The following TAFA1 variants were observed in gnomAD, a reference collection of about 807,000 sequenced individuals.
TAFA1 encodes the protein chemokine-like protein TAFA-1.
TAFA1 carries 4 observed loss-of-function variants against 18.5 expected under a neutral mutation model. The observed-to-expected ratio is 0.22, with a 90% CI of 0.11 to 0.49. The LOEUF is 0.49. TAFA1 is among the 20% of genes least tolerant of loss of function. The pLI is 0.98. For synonymous variants in TAFA1, 56 were observed against 55.2 expected, an observed-to-expected ratio of 1.01 and a Z score of -0.06; for missense variants, 147 against 169.0, an observed-to-expected ratio of 0.87 and a Z score of 0.72.
At chr3:68,404,413 C>T (rs1239285172) in intron 2 of TAFA1, among the ~76,000 whole-genome samples, 1 of 152,138 alleles carries the variant, frequency 6.6e-6, no homozygotes, top group Non-Finnish European at 1.5e-5. Flanking sequence ...AAACATTTAA[C>T]AGTTTATTTA....
At chr3:68,170,167 T>A (rs996042031) in intron 2 of TAFA1, among the ~76,000 whole-genome samples, 3 of 152,170 alleles carry the variant, frequency 2.0e-5, no homozygotes, top group Admixed American at 2.0e-4. Flanking sequence ...TGTCCTCAGA[T>A]CTGCAGTATC....
At chr3:68,184,754 A>T (rs567314051) in intron 2 of TAFA1, among the ~76,000 whole-genome samples, 5 of 152,158 alleles carry the variant, frequency 3.3e-5, no homozygotes, top group African/African-American at 1.2e-4. Context: ...TATCAGGCCC[A>T]AAGAATGTTG....
rs114157339 is a variant in TAFA1, at chr3:68,363,487, A to G, written c.119-53793A>G. 5.5e-3 allele frequency among the ~76,000 whole-genome samples: 837 copies of G among 152,266 alleles called. 9 individuals carry two copies. The highest frequency in any genetic ancestry group is 0.018 in the African/African-American group (744 of 41,550). On this transcript the variant is annotated intron_variant, in intron 2 of 4. Transcript: ENST00000478136. ...TTCAAAGAGGCTGAATGACTTTTCT[A>G]AGGCCTCCCAGCTAATACATGGAAA...
At chr3:68,105,768 G>A (rs539082653) in intron 2 of TAFA1, among the ~76,000 whole-genome samples, 13 of 152,220 alleles carry the variant, frequency 8.5e-5, no homozygotes, top group East Asian at 1.9e-4. Flanking sequence ...CTATTAAGGG[G>A]ATACAGTGAT....
chr3:68,102,212 A>G (rs1327028615), intron 2 of TAFA1, among the ~76,000 whole-genome samples: 3 of 152,134 alleles, frequency 2.0e-5, no homozygotes. Flanking sequence ...ATGTTGGCCT[A>G]ATATGTGAGG....
intron 2 of TAFA1, among the ~76,000 whole-genome samples, chr3:68,281,058 A>T (rs1559597520): frequency 1.3e-5 from 2 of 152,198 alleles, no homozygotes; most frequent in Non-Finnish European, 2.9e-5. Flanking sequence ...TTCCTATGGA[A>T]TATTCTTATG....
intron 2 of TAFA1, among the ~76,000 whole-genome samples, chr3:68,331,066 C>T (rs1004240790): frequency 6.6e-6 from 1 of 151,978 alleles, no homozygotes; most frequent in Admixed American, 6.6e-5. Flanking sequence ...TGAAGTATAA[C>T]CAAAATGTGG....
chr3:68,076,069 G>T (rs62245882), intron 2 of TAFA1, among the ~76,000 whole-genome samples: 54,319 of 152,048 alleles, frequency 0.36, 10,178 homozygotes, highest in East Asian at 0.48. Flanking sequence ...GCAGAATCAA[G>T]TGAGCATCAC....
chr3:68,306,522 G>A (rs555742071), intron 2 of TAFA1, among the ~76,000 whole-genome samples: 1 of 152,030 alleles, frequency 6.6e-6, no homozygotes, highest in African/African-American at 2.4e-5. Flanking sequence ...GTGTGTGTAT[G>A]TTTAAATTTA....
At chr3:68,264,275 A>C (rs949652178) in intron 2 of TAFA1, among the ~76,000 whole-genome samples, 2 of 152,220 alleles carry the variant, frequency 1.3e-5, no homozygotes, top group African/African-American at 4.8e-5. Context: ...GACTCAAAAA[A>C]TAAATAAATA....
intron 2 of TAFA1, among the ~76,000 whole-genome samples, chr3:68,371,256 A>G (rs181916999): frequency 1.3e-5 from 2 of 152,192 alleles, no homozygotes; most frequent in East Asian, 3.9e-4. Flanking sequence ...CATGTGCAGA[A>G]CGTGAAGGTT....
At chr3:68,286,427 C>T (rs1336233301) in intron 2 of TAFA1, among the ~76,000 whole-genome samples, 1 of 151,896 alleles carries the variant, frequency 6.6e-6, no homozygotes, top group Non-Finnish European at 1.5e-5. Flanking sequence ...TCTGAAGTTG[C>T]AGCCCTGAGT....
In TAFA1 at chr3:68,245,306, C is replaced by T. The variant is rs114460174; in HGVS notation, c.119-171974C>T. On this transcript the variant is annotated intron_variant, in intron 2 of 4. Coordinates refer to ENST00000478136, the MANE Select transcript of TAFA1 (RefSeq NM_213609.4). ...ACTTGGTTTGTATTTAACAGAACTT[C>T]TTCCAAAGCTGTGTTGATTTTTAGC... Among the ~76,000 whole-genome samples, 1,024 of 152,292 alleles carry T rather than the reference C, an allele frequency of 6.7e-3. 4 individuals are homozygous for T. Among genetic ancestry groups the T allele is most frequent in the Middle Eastern group, 0.014 (4 of 294 alleles).
At chr3:68,027,969 G>A (rs1214311486) in intron 2 of TAFA1, among the ~76,000 whole-genome samples, 1 of 152,134 alleles carries the variant, frequency 6.6e-6, no homozygotes, top group African/African-American at 2.4e-5. Context: ...CTAAGAGATG[G>A]AAATCCCAAC....
intron 2 of TAFA1, among the ~76,000 whole-genome samples, chr3:68,106,175 G>A (rs998148231): frequency 2.6e-5 from 4 of 151,508 alleles, no homozygotes; most frequent in East Asian, 3.9e-4. Context: ...AAAAAAGAAC[G>A]AACGAAACCA....
At chr3:68,396,262 G>A (rs2070381993) in intron 2 of TAFA1, among the ~76,000 whole-genome samples, 1 of 152,022 alleles carries the variant, frequency 6.6e-6, no homozygotes, top group Non-Finnish European at 1.5e-5. Context: ...AAACAGACAA[G>A]TCATGAATGA....
chr3:67,994,380 T>C, the TAFA1 span, among the ~76,000 whole-genome samples: 1 of 152,206 alleles, frequency 6.6e-6, no homozygotes, highest in African/African-American at 2.4e-5. Context: ...CTTTGAATCT[T>C]AGTCTGTTTA....
intron 3 of TAFA1, among the ~76,000 whole-genome samples, chr3:68,503,717 A>G (rs2072700402): frequency 6.6e-6 from 1 of 152,110 alleles, no homozygotes; most frequent in South Asian, 2.1e-4. Flanking sequence ...TTGAAAAATC[A>G]TTCCTAGTAG....
intron 2 of TAFA1, among the ~76,000 whole-genome samples, chr3:68,416,128 G>A (rs938900631): frequency 2.0e-5 from 3 of 152,064 alleles, no homozygotes; most frequent in Non-Finnish European, 4.4e-5. Context: ...ATTATTATGG[G>A]GGAGGGAGCA....
Sources: gnomAD v4.1 joint callset for allele counts (sites outside exome capture counted in the v4.1 genomes callset) on GRCh38, gnomAD v4.1.1 for gene constraint, MANE v1.5 for transcripts, NCBI Gene and HGNC (gene_info 2026-07-23, HGNC 2026-07-21) for gene names.